Variants in CACNG6 observed in about 807,000 individuals in gnomAD.
CACNG6 encodes voltage-dependent calcium channel gamma-6 subunit.
Under a neutral mutation model 23.9 loss-of-function variants are expected in CACNG6, and 21 were observed. The observed-to-expected ratio is 0.88, with a 90% confidence interval of 0.62 to 1.26. The LOEUF is 1.26. CACNG6 is among the 50% of genes most tolerant of loss of function. The pLI is 0.00. For missense variants in CACNG6, 340 were observed against 352.9 expected, an observed-to-expected ratio of 0.96 and a Z score of 0.29; for synonymous variants, 182 against 168.9, an observed-to-expected ratio of 1.08 and a Z score of -0.60.
chr19:54,009,783 T>TA (rs34786973), intron 3 of CACNG6, among the ~76,000 whole-genome samples: 45,216 of 147,212 alleles, frequency 0.31, 7,034 homozygotes, highest in Admixed American at 0.38. Context: ...TTGCTTTTTT[T>TA]AAAAAAAAAA....
At chr19:53,996,397 C>CTTTTTTTT (rs200138254) in intron 1 of CACNG6, among the ~76,000 whole-genome samples, 2 of 112,182 alleles carry the variant, frequency 1.8e-5, no homozygotes. Context: ...TTCTCTCTCT[C>CTTTTTTTT]TCTTTTTTTT....
chr19:54,012,557 C>T lies in CACNG6; in HGVS notation c.*368C>T, dbSNP rs1000355786. On this transcript the variant is annotated 3_prime_UTR_variant, in exon 4 of 4. Coordinates refer to ENST00000252729, the MANE Select transcript of CACNG6 (RefSeq NM_145814.2). The stretch of plus-strand genomic sequence containing the variant: ...CCCAGGTCTGGATCGATTCACTTGC[C>T]GGGAGAGACTTTTTACAACTCATCT... 106 of 184,974 alleles carry T rather than the reference C, an allele frequency of 5.7e-4. No homozygotes were observed. Among genetic ancestry groups the T allele is most frequent in the Non-Finnish European group, 1.1e-3 (96 of 90,450 alleles). The allele number at this position is 184,974 out of a possible 1,614,324, so 11.5% of individuals were successfully genotyped here. A position where few individuals can be genotyped will look rare whatever the true frequency, so the allele number is the denominator to read the frequency against.
chr19:54,011,476 A>G (rs1035700658), intron 3 of CACNG6, among the ~76,000 whole-genome samples: 7 of 150,484 alleles, frequency 4.7e-5, no homozygotes, highest in African/African-American at 1.7e-4. Context: ...AAAACAAAAA[A>G]CTAAGGAACC....
intron 3 of CACNG6, among the ~76,000 whole-genome samples, chr19:54,001,884 T>C (rs562848031): frequency 1.3e-5 from 2 of 152,296 alleles, no homozygotes; most frequent in South Asian, 2.1e-4. Context: ...CCCAACTTCT[T>C]AACAGCCATG....
At position 54,011,205 on chromosome 19, in the gene CACNG6, A is replaced by AATAT. The variant is rs1555819785; in HGVS notation, c.545-726_545-723dup. Among the ~76,000 whole-genome samples the AATAT allele has an allele frequency of 3.4e-4, 35 of 102,494 alleles. 1 individual carries two copies. Among genetic ancestry groups the AATAT allele is most frequent in the South Asian group, 8.6e-4 (3 of 3,474 alleles). 67.2% of individuals were successfully genotyped at this position (102,494 alleles called of 152,430 possible). On this transcript the variant is annotated intron_variant, in intron 3 of 3. Transcript: ENST00000252729. ...CCGTCTCTACTAAAAAAAAAAAAAA[A>AATAT]ATATATATATATATATATATATACA...
chr19:54,011,205 A>AATATATATATATATAT (rs1555819785), intron 3 of CACNG6, among the ~76,000 whole-genome samples: 4 of 102,494 alleles, frequency 3.9e-5, no homozygotes, highest in Non-Finnish European at 5.2e-5. Context: ...AAAAAAAAAA[A>AATATATATATATATAT]ATATATATAT....
chr19:53,992,649 C>A lies in CACNG6; in HGVS notation c.-229C>A. 1 of 351,664 alleles carries A rather than the reference C, an allele frequency of 2.8e-6. No homozygotes were observed. Among genetic ancestry groups the A allele is most frequent in the Admixed American group, 4.8e-5 (1 of 21,010 alleles). 21.8% of individuals were successfully genotyped at this position (351,664 alleles called of 1,614,324 possible). ...AGGGCAACCTAGACCCTCCTCTGAACCCCAGAGGCTTCCCCAGCCCTGGGG... is the reference window on the plus strand; with the variant it reads ...AGGGCAACCTAGACCCTCCTCTGAAACCCAGAGGCTTCCCCAGCCCTGGGG... On this transcript the variant is annotated 5_prime_UTR_variant, in exon 1 of 4. Transcript: ENST00000252729. This position sits in a 1 kb window ranked among gnomAD's most constrained non-coding sequence, Gnocchi z 4.1.
chr19:54,009,028 C>T (rs1269861892), intron 3 of CACNG6, among the ~76,000 whole-genome samples: 1 of 152,178 alleles, frequency 6.6e-6, no homozygotes, highest in Admixed American at 6.5e-5. Flanking sequence ...GCAGTTCACC[C>T]CTGTAATCCC....
chr19:53,994,358 T>C lies in CACNG6; in HGVS notation c.331+1150T>C, dbSNP rs570359364. Among the ~76,000 whole-genome samples the C allele has an allele frequency of 2.3e-3, 346 of 152,256 alleles. 2 individuals are homozygous for C. Among genetic ancestry groups the C allele is most frequent in the Non-Finnish European group, 4.2e-3 (286 of 68,004 alleles). On this transcript the variant is annotated intron_variant, in intron 1 of 3. Transcript: ENST00000252729. ...GGACATTTCAGCGTTTCTCATTTTC[T>C]CCGAGAGACATTCCCATACTCCCTC... is the stretch of plus-strand genomic sequence containing the variant.
chr19:53,993,253 A>G, intron 1 of CACNG6, 45 bp downstream of exon 1: 4 of 1,492,576 alleles, frequency 2.7e-6, no homozygotes, highest in Non-Finnish European at 3.6e-6. Context: ...TCCCACGGAC[A>G]GGGAGGGAGA....
At chr19:53,994,836 T>G (rs1207328440) in intron 1 of CACNG6, among the ~76,000 whole-genome samples, 1 of 152,174 alleles carries the variant, frequency 6.6e-6, no homozygotes, top group African/African-American at 2.4e-5. Flanking sequence ...GGGCTACCCT[T>G]GATCATTTTA....
chr19:53,992,560 C>G lies in CACNG6; in HGVS notation c.-318C>G. 1 of 218,928 alleles carries G rather than the reference C, an allele frequency of 4.6e-6. No individual in the cohort carries two copies. The highest frequency in any genetic ancestry group is 8.9e-6 in the Non-Finnish European group (1 of 112,240). The allele number at this position is 218,928 out of a possible 1,614,324, so 13.6% of individuals were successfully genotyped here. Reference sequence around the variant, plus strand: ...TCCCTCCTGGGAAGCCGAATTCTATCTCTAAACCTCAGGGTGGGGGCCTTG... The same window carrying G: ...TCCCTCCTGGGAAGCCGAATTCTATGTCTAAACCTCAGGGTGGGGGCCTTG... On this transcript the variant is annotated 5_prime_UTR_variant, in exon 1 of 4. In the 5' UTR this introduces an upstream ATG that the reference lacks. Transcript: ENST00000252729. The surrounding 1 kb of genome is among the most constrained non-coding windows in gnomAD (Gnocchi z 4.1).
intron 2 of CACNG6, 150 bp downstream of exon 2, chr19:53,998,463 G>A (rs889138567): frequency 1.9e-5 from 12 of 625,452 alleles, no homozygotes; most frequent in South Asian, 7.8e-5. Flanking sequence ...GAGTGCTGGC[G>A]GGAGAGTTAA....
intron 3 of CACNG6, among the ~76,000 whole-genome samples, chr19:54,005,445 T>C (rs1182921981): frequency 8.0e-6 from 1 of 125,768 alleles, no homozygotes; most frequent in Non-Finnish European, 1.7e-5. Context: ...CAAAAAAAAA[T>C]AGATAAAAAT....
chr19:54,006,091 A>AAAAT lies in CACNG6; in HGVS notation c.545-5832_545-5829dup, dbSNP rs71193802. Among the ~76,000 whole-genome samples the AAAAT allele has an allele frequency of 8.6e-3, 1,216 of 140,590 alleles. 8 individuals carry two copies. Among genetic ancestry groups the AAAAT allele is most frequent in the South Asian group, 0.017 (75 of 4,292 alleles). The allele number at this position is 140,590 out of a possible 152,430, so 92.2% of individuals were successfully genotyped here. On this transcript the variant is annotated intron_variant, in intron 3 of 3. Coordinates refer to ENST00000252729, the MANE Select transcript of CACNG6 (RefSeq NM_145814.2). ...GGTGACAGAGCAAGACTCTGTTTCAAAAATAAATAAATAAATAAATAAATA... is the reference window on the plus strand; with the variant it reads ...GGTGACAGAGCAAGACTCTGTTTCAAAAATAAATAAATAAATAAATAAATAAATA...
chr19:54,008,780 T>C (rs1004111762), intron 3 of CACNG6, among the ~76,000 whole-genome samples: 54 of 152,342 alleles, frequency 3.5e-4, no homozygotes, highest in African/African-American at 1.2e-3. Context: ...GCTCCACCCC[T>C]GGGTGCCACT....
At chr19:53,996,054 T>G (rs993077101) in intron 1 of CACNG6, among the ~76,000 whole-genome samples, 2 of 152,232 alleles carry the variant, frequency 1.3e-5, no homozygotes, top group Non-Finnish European at 2.9e-5. Flanking sequence ...CTCGGGGTAC[T>G]TGGGGAGCGC....
chr19:54,012,256 T>C lies in CACNG6; in HGVS notation c.*67T>C. The C allele has an allele frequency of 1.4e-6, 1 of 703,398 alleles. No individual in the cohort carries two copies. The highest frequency in any genetic ancestry group is 2.2e-6 in the Non-Finnish European group (1 of 463,256). The allele number at this position is 703,398 out of a possible 1,614,324, so 43.6% of individuals were successfully genotyped here. ...GACCTTCTCCATTGTACCCCCAAGATCTTTTTGCCCCATCTCCTAGAGAAA... is the reference window on the plus strand; with the variant it reads ...GACCTTCTCCATTGTACCCCCAAGACCTTTTTGCCCCATCTCCTAGAGAAA... On this transcript the variant is annotated 3_prime_UTR_variant, in exon 4 of 4. Transcript: ENST00000252729.
Position 53,992,695 on chromosome 19 carries a change from C to T in CACNG6, c.-183C>T. The T allele has an allele frequency of 2.5e-6, 1 of 393,114 alleles. No homozygotes were observed. Among genetic ancestry groups the T allele is most frequent in the Non-Finnish European group, 4.4e-6 (1 of 225,218 alleles). The allele number at this position is 393,114 out of a possible 1,614,324, so 24.4% of individuals were successfully genotyped here. A position where few individuals can be genotyped will look rare whatever the true frequency, so the allele number is the denominator to read the frequency against. On this transcript the variant is annotated 5_prime_UTR_variant, in exon 1 of 4. Transcript: ENST00000252729. The surrounding 1 kb of genome is among the most constrained non-coding windows in gnomAD (Gnocchi z 4.1). ...TGGGGATCATTTTTCTCTTCTGAAC[C>T]CCAGAAGCAATCTCGACTTTCGCAT...
Sources: gnomAD v4.1 joint callset for allele counts (sites outside exome capture counted in the v4.1 genomes callset) on GRCh38, gnomAD v4.1.1 for gene constraint, Gnocchi (gnomAD v3.1) non-coding constraint, MANE v1.5 for transcripts, NCBI Gene and HGNC (gene_info 2026-07-23, HGNC 2026-07-21) for gene names.